The following TP63 variants were observed in gnomAD, a reference collection of about 807,000 sequenced individuals.
TP63 encodes tumor protein p63.
TP63 carries 17 observed loss-of-function variants against 82.8 expected under a neutral mutation model. The observed-to-expected ratio is 0.21, with a 90% confidence interval of 0.14 to 0.31. TP63 has a LOEUF of 0.31. Ranked by LOEUF, TP63 falls within the 10% of genes least tolerant of loss-of-function variation. The probability of loss-of-function intolerance (pLI) is 1.00; values close to 1 mark genes in which losing one functional copy is unlikely to be tolerated. For missense variants in TP63, 648 were observed against 895.3 expected, an observed-to-expected ratio of 0.72 and a Z score of 3.52; for synonymous variants, 330 against 321.7, an observed-to-expected ratio of 1.03 and a Z score of -0.28.
At chr3:189,893,750 G>GATATCATGA (rs1721249464) in intron 13 of TP63, among the ~76,000 whole-genome samples, 1 of 152,122 alleles carries the variant, frequency 6.6e-6, no homozygotes, top group Admixed American at 6.5e-5. Context: ...GGGATTAAAT[G>GATATCATGA]ATATCATGAA....
At chr3:189,858,403 CAAAAAAA>C (rs1160961471) in intron 4 of TP63, among the ~76,000 whole-genome samples, 2 of 2,880 alleles carry the variant, frequency 6.9e-4, no homozygotes, top group South Asian at 7.6e-3. Flanking sequence ...GACTCCGTCT[CAAAAAAA>C]AAAAAAAAAA....
chr3:189,810,154 T>C (rs1727373341), intron 4 of TP63, among the ~76,000 whole-genome samples: 5 of 152,226 alleles, frequency 3.3e-5, no homozygotes, highest in Admixed American at 3.3e-4. Flanking sequence ...TCATAATCCT[T>C]AGTTTCCTTT....
At chr3:189,829,967 A>T (rs748470781) in intron 4 of TP63, 3 of 331,868 alleles carry the variant, frequency 9.0e-6, no homozygotes, top group Non-Finnish European at 1.9e-5. Flanking sequence ...CTTAAATTGT[A>T]TAAAGAGAAA....
At chr3:189,880,380 A>T in intron 10 of TP63, 1 of 1,201,446 alleles carries the variant, frequency 8.3e-7, no homozygotes, top group Non-Finnish European at 1.0e-6. Flanking sequence ...ACAAGAAAGG[A>T]TGTTTTCTGC....
At chr3:189,610,000 G>A in the TP63 span, among the ~76,000 whole-genome samples, 7 of 152,174 alleles carry the variant, frequency 4.6e-5, no homozygotes, top group Admixed American at 2.6e-4. Flanking sequence ...TCCCACCAAC[G>A]GAGTATGTGT....
intron 1 of TP63, among the ~76,000 whole-genome samples, chr3:189,667,598 C>T (rs1385743694): frequency 6.6e-6 from 1 of 151,990 alleles, no homozygotes; most frequent in Non-Finnish European, 1.5e-5. Flanking sequence ...TCTTTACAAG[C>T]TCAGGAAGAG....
At chr3:189,612,381 T>G in the TP63 span, among the ~76,000 whole-genome samples, 3 of 152,206 alleles carry the variant, frequency 2.0e-5, no homozygotes, top group Non-Finnish European at 4.4e-5. Context: ...GTTTCCACTT[T>G]TCTTCTTTCT....
chr3:189,656,463 C>A (rs951312761), intron 1 of TP63, among the ~76,000 whole-genome samples: 1 of 151,932 alleles, frequency 6.6e-6, no homozygotes, highest in African/African-American at 2.4e-5. Flanking sequence ...AGAACATAAG[C>A]AATGAATAAA....
chr3:189,703,380 C>T (rs554627098), intron 1 of TP63, among the ~76,000 whole-genome samples: 4 of 151,504 alleles, frequency 2.6e-5, no homozygotes, highest in East Asian at 2.0e-4. Flanking sequence ...GAGCCAAGAT[C>T]GTGCCACTGC....
chr3:189,780,025 C>T (rs1017151888), intron 3 of TP63, among the ~76,000 whole-genome samples: 35 of 152,070 alleles, frequency 2.3e-4, no homozygotes, highest in African/African-American at 7.2e-4. Flanking sequence ...AAAATGTTAA[C>T]GGAGAGAGCA....
At chr3:189,760,409 A>T (rs1198116666) in intron 3 of TP63, among the ~76,000 whole-genome samples, 2 of 152,210 alleles carry the variant, frequency 1.3e-5, no homozygotes, top group African/African-American at 4.8e-5. Context: ...GGCCAAAACA[A>T]AGGGGCTACT....
intron 4 of TP63, among the ~76,000 whole-genome samples, chr3:189,830,160 GGA>G (rs1712096160): frequency 1.3e-5 from 2 of 152,118 alleles, no homozygotes; most frequent in Non-Finnish European, 2.9e-5. Context: ...AAGTATATCT[GGA>G]GTTCAGATTT....
At chr3:189,770,957 A>C (rs1723293505) in intron 3 of TP63, among the ~76,000 whole-genome samples, 1 of 152,166 alleles carries the variant, frequency 6.6e-6, no homozygotes, top group African/African-American at 2.4e-5. Flanking sequence ...CAGTTTAAAA[A>C]GTCATTTCAC....
rs541341338 is a variant in TP63 at position 189,770,854 on chromosome 3, T to C, written c.324+32080T>C. Among the ~76,000 whole-genome samples the C allele has an allele frequency of 2.6e-5, 4 of 152,312 alleles. No individual in the cohort carries two copies. In the South Asian group the frequency reaches 8.3e-4, roughly 32 times the overall value. ...CATGTAATATGTCAGAGGTTTTTGT[T>C]TGGATGAAGTAAAGCTAATTGCAGT... On this transcript the variant is annotated intron_variant, in intron 3 of 13. Coordinates refer to ENST00000264731, the MANE Select transcript of TP63 (RefSeq NM_003722.5).
rs1279274858 is a variant in TP63 at position 189,789,632 on chromosome 3, A to G, written c.325-18640A>G. On this transcript the variant is annotated intron_variant, in intron 3 of 13. Transcript: ENST00000264731. Reference sequence around the variant, plus strand: ...CGCCTCCTCATGCCTATAGTTGGGTATATATTAGGAAACCTTAAATTATGT... The same window carrying G: ...CGCCTCCTCATGCCTATAGTTGGGTGTATATTAGGAAACCTTAAATTATGT... The G allele has an allele frequency of 1.6e-4, 223 of 1,374,656 alleles. 1 individual carries two copies. Among genetic ancestry groups the G allele is most frequent in the Non-Finnish European group, 1.1e-5 (12 of 1,064,588 alleles). 85.2% of individuals were successfully genotyped at this position (1,374,656 alleles called of 1,614,324 possible). A position where few individuals can be genotyped will look rare whatever the true frequency, so the allele number is the denominator to read the frequency against.
At chr3:189,742,325 A>T (rs1266259757) in intron 3 of TP63, among the ~76,000 whole-genome samples, 2 of 151,078 alleles carry the variant, frequency 1.3e-5, no homozygotes, top group African/African-American at 4.9e-5. Flanking sequence ...CATGCCTGTC[A>T]TGTCTTCATG....
chr3:189,796,585 T>C, intron 3 of TP63, among the ~76,000 whole-genome samples: 1 of 151,990 alleles, frequency 6.6e-6, no homozygotes, highest in Admixed American at 6.6e-5. Flanking sequence ...AAAAGTAGAT[T>C]TTGAAAGCAT....
Position 189,866,737 on chromosome 3 carries a change from G to C in TP63, c.822G>C (p.Gln274His). 6.2e-7 allele frequency: 1 copy of C among 1,614,002 alleles called. No homozygotes were observed. Among genetic ancestry groups the C allele is most frequent in the Non-Finnish European group, 8.5e-7 (1 of 1,179,966 alleles). Residue 274 changes from glutamine to histidine, a missense_variant, in exon 6 of 14, where the codon CAG becomes CAC. By Grantham distance (24) the Gln-to-His change is conservative. Coordinates refer to ENST00000264731, the MANE Select transcript of TP63 (RefSeq NM_003722.5). Reference protein sequence around the residue: ...LIRVEGNSHAQYVEDPITGRQ... With the variant: ...LIRVEGNSHAHYVEDPITGRQ... ...GAGTAGAGGGGAACAGCCATGCCCA[G>C]TATGTAGAAGATCCCATCACAGGAA...
At chr3:189,854,958 A>G (rs115382028) in intron 4 of TP63, among the ~76,000 whole-genome samples, 265 of 152,370 alleles carry the variant, frequency 1.7e-3, no homozygotes, top group African/African-American at 6.0e-3. Flanking sequence ...TGAAGATTAA[A>G]TAAGGAAGGA....
Sources: allele counts gnomAD v4.1 joint callset (sites outside exome capture counted in the v4.1 genomes callset), GRCh38; gene constraint gnomAD v4.1.1; transcripts MANE v1.5; gene names NCBI Gene and HGNC (gene_info 2026-07-23, HGNC 2026-07-21).